The following GNAT3 variants were observed in gnomAD, a reference collection of about 807,000 sequenced individuals.
GNAT3 encodes the protein G protein subunit alpha transducin 3, also known as guanine nucleotide-binding protein G(t) subunit alpha-3.
In GNAT3, 31 loss-of-function variants were observed where a neutral mutation model predicts 37.7. The observed-to-expected ratio is 0.82, with a 90% CI of 0.62 to 1.11. The LOEUF is 1.11. GNAT3 is among the 50% of genes most tolerant of loss of function. GNAT3 has a pLI of 0.00. For missense variants in GNAT3, 437 were observed against 412.5 expected (o/e 1.06, Z -0.51); for synonymous variants, 138 against 139.8 (o/e 0.99, Z 0.09).
Position 80,508,981 on chromosome 7 carries a change from A to G in GNAT3, c.118+2828T>C, listed in dbSNP as rs79129243. 3.2e-3 allele frequency among the ~76,000 whole-genome samples: 490 copies of G among 152,184 alleles called. 12 individuals carry two copies. In the South Asian group the frequency reaches 0.041, roughly 13 times the overall value. On this transcript the variant is annotated intron_variant, in intron 1 of 7. Coordinates refer to ENST00000398291, the MANE Select transcript of GNAT3 (RefSeq NM_001102386.3). ...TCAGGAGCTGATCACTACTAAGGTT[A>G]AACTGGTTAGTTCCATGTGACATGT...
intron 4 of GNAT3, among the ~76,000 whole-genome samples, chr7:80,478,592 G>A (rs1584176940): frequency 1.3e-5 from 2 of 152,112 alleles, no homozygotes; most frequent in Admixed American, 6.6e-5. Flanking sequence ...GAAGATATTT[G>A]CACCATAGAA....
At chr7:80,486,374 A>G (rs1790479972) in intron 3 of GNAT3, 1 of 151,750 alleles carries the variant, frequency 6.6e-6, no homozygotes, top group African/African-American at 2.4e-5. Context: ...GATGGCAGCA[A>G]TGTGTAGAGT....
chr7:80,465,461 G>C (rs751512538), intron 5 of GNAT3, among the ~76,000 whole-genome samples: 18 of 152,002 alleles, frequency 1.2e-4, no homozygotes, highest in South Asian at 4.1e-4. Flanking sequence ...TTTTTCAGAG[G>C]GACCCTTAAG....
chr7:80,463,852 T>C (rs961535608), intron 5 of GNAT3, among the ~76,000 whole-genome samples: 3 of 140,596 alleles, frequency 2.1e-5, no homozygotes, highest in Non-Finnish European at 4.7e-5. Context: ...CTTACACATG[T>C]TTTCTATAAA....
chr7:80,488,062 TC>T (rs2116190554), intron 3 of GNAT3, among the ~76,000 whole-genome samples: 1 of 152,234 alleles, frequency 6.6e-6, no homozygotes, highest in Non-Finnish European at 1.5e-5. Context: ...CAATTTGAAT[TC>T]TTTTTTAAAA....
chr7:80,474,328 T>A lies in GNAT3; in HGVS notation c.513A>T (p.Glu171Asp). The A allele has an allele frequency of 6.4e-7, 1 of 1,570,692 alleles. No individual in the cohort carries two copies. Among genetic ancestry groups the A allele is most frequent in the South Asian group, 1.2e-5 (1 of 85,882 alleles). ...RITASGYVPN[E>D]QDVLHSRVKT... ...TCACTCGAGAATGGAGAACATCTTG[T>A]TCATTTGGCACATACCCAGATGCTG... Residue 171 changes from glutamate to aspartate, a missense_variant, in exon 5 of 8, where the codon GAA becomes GAT. Physicochemically the swap from Glu to Asp is conservative, Grantham distance 45. Transcript: ENST00000398291.
chr7:80,478,604 C>G (rs1311681983), intron 4 of GNAT3, among the ~76,000 whole-genome samples: 2 of 152,126 alleles, frequency 1.3e-5, no homozygotes, highest in Non-Finnish European at 2.9e-5. Flanking sequence ...ACCATAGAAT[C>G]TTCTCAGGCA....
intron 5 of GNAT3, among the ~76,000 whole-genome samples, chr7:80,469,354 A>G (rs1470284509): frequency 6.6e-6 from 1 of 152,134 alleles, no homozygotes; most frequent in African/African-American, 2.4e-5. Context: ...TTTCTTCTCT[A>G]TAATTGTCTG....
In GNAT3 at chr7:80,474,799, A is replaced by G. The variant is rs554783313; in HGVS notation, c.462-420T>C. ...TTCTCTTTATAGTGCCTGGATCATT[A>G]CAAAACTAAAAGTTGCCTTATAGTG... is the stretch of plus-strand genomic sequence containing the variant. On this transcript the variant is annotated intron_variant, in intron 4 of 7. Coordinates refer to ENST00000398291, the MANE Select transcript of GNAT3 (RefSeq NM_001102386.3). Among the ~76,000 whole-genome samples the G allele has an allele frequency of 1.4e-4, 21 of 152,314 alleles. No homozygotes were observed. The East Asian group carries it at 4.1e-3, about 29-fold the overall frequency.
At chr7:80,508,527 T>C (rs900247768) in intron 1 of GNAT3, among the ~76,000 whole-genome samples, 2 of 152,088 alleles carry the variant, frequency 1.3e-5, no homozygotes, top group Admixed American at 6.5e-5. Context: ...TTCTGGAATA[T>C]CTTTGCAAGT....
At chr7:80,510,532 A>G (rs1325367638) in intron 1 of GNAT3, among the ~76,000 whole-genome samples, 1 of 152,146 alleles carries the variant, frequency 6.6e-6, no homozygotes, top group Non-Finnish European at 1.5e-5. Flanking sequence ...TCCTGTGTCC[A>G]TATTACTTTC....
intron 3 of GNAT3, among the ~76,000 whole-genome samples, chr7:80,481,648 A>G (rs1790394207): frequency 6.6e-6 from 1 of 152,142 alleles, no homozygotes; most frequent in African/African-American, 2.4e-5. Flanking sequence ...TGTGTAGAGA[A>G]GCCCCTTCCC....
chr7:80,460,873 T>C (rs1790036582), intron 7 of GNAT3, among the ~76,000 whole-genome samples: 1 of 151,946 alleles, frequency 6.6e-6, no homozygotes, highest in South Asian at 2.1e-4. Flanking sequence ...AGAGAAACTG[T>C]AGGAGGGGAT....
At chr7:80,488,030 T>C (rs532274558) in intron 3 of GNAT3, among the ~76,000 whole-genome samples, 1 of 152,256 alleles carries the variant, frequency 6.6e-6, no homozygotes, top group African/African-American at 2.4e-5. Flanking sequence ...ATACTTGATA[T>C]ACAGACATTT....
At chr7:80,460,378 A>G (rs1245390929) in intron 7 of GNAT3, among the ~76,000 whole-genome samples, 3 of 152,192 alleles carry the variant, frequency 2.0e-5, no homozygotes, top group East Asian at 1.9e-4. Context: ...GCTGTTCTGT[A>G]TAACACTGTA....
intron 3 of GNAT3, among the ~76,000 whole-genome samples, chr7:80,479,750 T>C (rs955739701): frequency 6.9e-6 from 1 of 145,110 alleles, no homozygotes; most frequent in African/African-American, 2.6e-5. Flanking sequence ...AAAATGGAAA[T>C]AAATTCATTA....
intron 1 of GNAT3, among the ~76,000 whole-genome samples, chr7:80,508,919 T>G (rs2116236830): frequency 6.6e-6 from 1 of 152,202 alleles, no homozygotes; most frequent in Non-Finnish European, 1.5e-5. Context: ...CAAAAGTGTT[T>G]TTTAGATTTC....
rs1790350455 is a variant in GNAT3, at chr7:80,479,106, A to G, written c.304-108T>C. 5.0e-6 allele frequency: 4 copies of G among 794,760 alleles called. No homozygotes were observed. The East Asian group carries it at 1.2e-4, about 23-fold the overall frequency. The allele number at this position is 794,760 out of a possible 1,614,324, so 49.2% of individuals were successfully genotyped here. On this transcript the variant is annotated intron_variant, in intron 3 of 7. Coordinates refer to ENST00000398291, the MANE Select transcript of GNAT3 (RefSeq NM_001102386.3). ...AATTTTAATCTTATTCTTTTAGCTA[A>G]TAATTCCACCAAACATCTTTTTGAA...
intron 2 of GNAT3, among the ~76,000 whole-genome samples, chr7:80,490,948 A>G (rs1364752666): frequency 6.6e-6 from 1 of 152,146 alleles, no homozygotes; most frequent in African/African-American, 2.4e-5. Flanking sequence ...CAGGAGGATG[A>G]AGACATCGGC....
Sources: allele counts gnomAD v4.1 joint callset (sites outside exome capture counted in the v4.1 genomes callset), GRCh38; gene constraint gnomAD v4.1.1; transcripts MANE v1.5; gene names NCBI Gene and HGNC (gene_info 2026-07-23, HGNC 2026-07-21).